Variants in ACTL6B observed in about 807,000 individuals in gnomAD.
ACTL6B encodes the protein actin-like protein 6B.
Under a neutral mutation model 63.3 loss-of-function variants are expected in ACTL6B, and 48 were observed. That is an observed-to-expected ratio of 0.76 (90% CI 0.60 to 0.96). The LOEUF (loss-of-function observed/expected upper bound fraction) is 0.96. Among genes scored for constraint, ACTL6B ranks in the 50% least tolerant of loss-of-function variants. ACTL6B has a pLI of 0.00. For missense variants in ACTL6B, 350 were observed against 572.2 expected, an observed-to-expected ratio of 0.61 and a Z score of 3.96; for synonymous variants, 230 against 223.8, an observed-to-expected ratio of 1.03 and a Z score of -0.25.
rs747984948 is a variant in ACTL6B at position 100,646,216 on chromosome 7, A to C, written c.1200+33T>G. On this transcript the variant is annotated intron_variant, in intron 13 of 13. Coordinates refer to ENST00000160382, the MANE Select transcript of ACTL6B (RefSeq NM_016188.5). The surrounding 1 kb of genome is among the most constrained non-coding windows in gnomAD (Gnocchi z 6.1). ...TGTCTGGGTCTCCCCTCTCCCCCAC[A>C]GTCAGTGCTAGGCCAGGTCCCTTTC... The C allele has an allele frequency of 1.3e-6, 2 of 1,590,626 alleles. No homozygotes were observed. The highest frequency in any genetic ancestry group is 2.2e-5 in the South Asian group (2 of 89,026).
At position 100,647,010 on chromosome 7, in the gene ACTL6B, G is replaced by T; in HGVS notation, c.897C>A (p.Leu299=). 6.2e-7 allele frequency: 1 copy of T among 1,614,128 alleles called. No homozygotes were observed. The highest frequency in any genetic ancestry group is 8.5e-7 in the Non-Finnish European group (1 of 1,180,030). Residue 299 remains leucine, a synonymous_variant, in exon 10 of 14, where the codon CTC becomes CTA. Transcript: ENST00000160382. This position sits in a 1 kb window ranked among gnomAD's most constrained non-coding sequence, Gnocchi z 4.4. ...GATCAAACAGGCCCTCAGGGATGCG[G>T]AGTCGCTCGGCGCCGTAGTCTGTAT... is the stretch of plus-strand genomic sequence containing the variant. ...GYNTDYGAER[L]RIPEGLFDPS... is the part of the protein sequence containing the mutation.
chr7:100,645,386 C>T (rs1803802011), intron 13 of ACTL6B, among the ~76,000 whole-genome samples: 1 of 152,138 alleles, frequency 6.6e-6, no homozygotes, highest in South Asian at 2.1e-4. Flanking sequence ...GCTGTCCACC[C>T]CATCCCCACT....
At chr7:100,645,256 G>A (rs1011136440) in intron 13 of ACTL6B, among the ~76,000 whole-genome samples, 3 of 151,886 alleles carry the variant, frequency 2.0e-5, no homozygotes, top group African/African-American at 4.8e-5. Context: ...CTCCAGATGC[G>A]GGTTGCAACT....
At position 100,648,754 on chromosome 7, in the gene ACTL6B, T is replaced by C; in HGVS notation, c.537A>G (p.Val179=). ...CTTGCTGCAGAACGTAGCCGTCATG[T>C]ACTGGAATGGCCGTGGTGTGGGTGG... ...SGATHTTAIP[V]HDGYVLQQGI... is the part of the protein sequence containing the mutation. Residue 179 remains valine, a synonymous_variant, in exon 6 of 14, where the codon GTA becomes GTG. Coordinates refer to ENST00000160382, the MANE Select transcript of ACTL6B (RefSeq NM_016188.5). This position sits in a 1 kb window ranked among gnomAD's most constrained non-coding sequence, Gnocchi z 4.4. The C allele has an allele frequency of 1.9e-6, 3 of 1,614,134 alleles. No homozygotes were observed. The highest frequency in any genetic ancestry group is 2.5e-6 in the Non-Finnish European group (3 of 1,180,008).
chr7:100,650,230 C>T lies in ACTL6B; in HGVS notation c.370-95G>A, dbSNP rs899926159. ...ACCCACTCACTCACACATACACTCA[C>T]GGTCACACACACACATCCAAACACT... On this transcript the variant is annotated intron_variant, in intron 4 of 13. Transcript: ENST00000160382. 8.3e-6 allele frequency: 8 copies of T among 962,144 alleles called. No homozygotes were observed. The African/African-American group carries it at 9.7e-5, about 12-fold the overall frequency. 59.6% of individuals were successfully genotyped at this position (962,144 alleles called of 1,614,324 possible).
Position 100,655,685 on chromosome 7 carries a change from A to T in ACTL6B, c.103-99T>A, listed in dbSNP as rs1804026530. 2 of 1,509,738 alleles carry T rather than the reference A, an allele frequency of 1.3e-6. No individual in the cohort carries two copies. The highest frequency in any genetic ancestry group is 4.8e-5 in the East Asian group (2 of 41,408). The allele number at this position is 1,509,738 out of a possible 1,614,324, so 93.5% of individuals were successfully genotyped here. ...GGGTCCTCAGACCGCCCCTGGGTTTATTCCCATATTCCCGCTCAGCAGAGC... is the reference window on the plus strand; with the variant it reads ...GGGTCCTCAGACCGCCCCTGGGTTTTTTCCCATATTCCCGCTCAGCAGAGC... On this transcript the variant is annotated intron_variant, in intron 2 of 13. Coordinates refer to ENST00000160382, the MANE Select transcript of ACTL6B (RefSeq NM_016188.5). The surrounding 1 kb of genome is among the most constrained non-coding windows in gnomAD (Gnocchi z 4.4).
chr7:100,651,506 C>T (rs1368434300), intron 4 of ACTL6B, among the ~76,000 whole-genome samples: 6 of 151,118 alleles, frequency 4.0e-5, no homozygotes, highest in Admixed American at 1.3e-4. Context: ...GCCAAGATCA[C>T]GCCATTGCAC....
intron 4 of ACTL6B, among the ~76,000 whole-genome samples, chr7:100,653,319 G>T (rs1327418127): frequency 1.3e-5 from 2 of 152,074 alleles, no homozygotes; most frequent in African/African-American, 2.4e-5. Context: ...AATTTAAAAA[G>T]AATGTAAATA....
chr7:100,652,178 C>A (rs551941454), intron 4 of ACTL6B, among the ~76,000 whole-genome samples: 1 of 151,662 alleles, frequency 6.6e-6, no homozygotes, highest in Non-Finnish European at 1.5e-5. Flanking sequence ...GCCGGCGGAT[C>A]GCGAGGTCAG....
chr7:100,647,362 C>A lies in ACTL6B; in HGVS notation c.760-78G>T. 1 of 1,599,816 alleles carries A rather than the reference C, an allele frequency of 6.3e-7. No homozygotes were observed. Among genetic ancestry groups the A allele is most frequent in the Non-Finnish European group, 8.6e-7 (1 of 1,168,564 alleles). On this transcript the variant is annotated intron_variant, in intron 8 of 13. Coordinates refer to ENST00000160382, the MANE Select transcript of ACTL6B (RefSeq NM_016188.5). This position sits in a 1 kb window ranked among gnomAD's most constrained non-coding sequence, Gnocchi z 4.4. ...CCTGCCCCGCTCCCCCTCCCTGCTCCCCCTCCCATGCGGGGCCTCTGTCCC... is the reference window on the plus strand; with the variant it reads ...CCTGCCCCGCTCCCCCTCCCTGCTCACCCTCCCATGCGGGGCCTCTGTCCC...
At chr7:100,651,542 C>T (rs980175999) in intron 4 of ACTL6B, among the ~76,000 whole-genome samples, 7 of 148,042 alleles carry the variant, frequency 4.7e-5, no homozygotes, top group Non-Finnish European at 8.9e-5. Context: ...AAGAGTGACA[C>T]TTCATCTCAA....
chr7:100,650,058 G>A lies in ACTL6B; in HGVS notation c.447C>T (p.Cys149=). 6.2e-7 allele frequency: 1 copy of A among 1,613,874 alleles called. No homozygotes were observed. Among genetic ancestry groups the A allele is most frequent in the African/African-American group, 1.3e-5 (1 of 75,028 alleles). ...GATACGCGGTGAGCACAGCCGTCTT[G>A]CATAAGAAGAAGGCAGGAATGTTGT... ...EQYNIPAFFL[C]KTAVLTAFAN... is the part of the protein sequence containing the mutation. The change falls in exon 5 of 14, where the codon TGC becomes TGT. Residue 149 remains cysteine (C), a synonymous_variant. Transcript: ENST00000160382.
rs1804017136 is a variant in ACTL6B at position 100,655,317 on chromosome 7, T to C, written c.268+104A>G. ...AGAACCCTGGCAGCCAGAAGAACCC[T>C]GGGGCTGCAAGGAAGACTCCGCGGG... On this transcript the variant is annotated intron_variant, in intron 3 of 13. Transcript: ENST00000160382. This position sits in a 1 kb window ranked among gnomAD's most constrained non-coding sequence, Gnocchi z 4.4. 1.2e-5 allele frequency: 17 copies of C among 1,396,846 alleles called. No individual in the cohort carries two copies. In the Admixed American group the frequency reaches 3.0e-4, roughly 25 times the overall value. 86.5% of individuals were successfully genotyped at this position (1,396,846 alleles called of 1,614,324 possible).
chr7:100,647,324 G>T lies in ACTL6B; in HGVS notation c.760-40C>A. The stretch of plus-strand genomic sequence containing the variant: ...GAGGTGGTGAGGGCCTGCCTTCCCC[G>T]TGAGCAGCACCCCCTGCCCCGCTCC... On this transcript the variant is annotated intron_variant, in intron 8 of 13. Coordinates refer to ENST00000160382, the MANE Select transcript of ACTL6B (RefSeq NM_016188.5). This position sits in a 1 kb window ranked among gnomAD's most constrained non-coding sequence, Gnocchi z 4.4. 6.2e-7 allele frequency: 1 copy of T among 1,609,942 alleles called. No individual in the cohort carries two copies. The highest frequency in any genetic ancestry group is 8.5e-7 in the Non-Finnish European group (1 of 1,177,572).
chr7:100,647,419 C>G lies in ACTL6B; in HGVS notation c.759+25G>C, dbSNP rs1206754349. 1.2e-6 allele frequency: 2 copies of G among 1,607,550 alleles called. No homozygotes were observed. The highest frequency in any genetic ancestry group is 2.7e-5 in the African/African-American group (2 of 74,824). On this transcript the variant is annotated intron_variant, in intron 8 of 13. Coordinates refer to ENST00000160382, the MANE Select transcript of ACTL6B (RefSeq NM_016188.5). The surrounding 1 kb of genome is among the most constrained non-coding windows in gnomAD (Gnocchi z 4.4). ...GATTCATGGCAGGGGAGGGGGGTTTCAGGTGGCCCTCTCCAGAGGCTCACA... is the reference window on the plus strand; with the variant it reads ...GATTCATGGCAGGGGAGGGGGGTTTGAGGTGGCCCTCTCCAGAGGCTCACA...
chr7:100,655,551 C>T lies in ACTL6B; in HGVS notation c.138G>A (p.Ala46=), dbSNP rs771723440. 2.5e-6 allele frequency: 4 copies of T among 1,613,774 alleles called. No individual in the cohort carries two copies. Among genetic ancestry groups the T allele is most frequent in the Middle Eastern group, 1.7e-4 (1 of 6,060 alleles). The change falls in exon 3 of 14, where the codon GCG becomes GCA. Residue 46 remains alanine, a synonymous_variant. Coordinates refer to ENST00000160382, the MANE Select transcript of ACTL6B (RefSeq NM_016188.5). This position sits in a 1 kb window ranked among gnomAD's most constrained non-coding sequence, Gnocchi z 4.4. ...DFPTTVGLLA[A]EEGGGLELEG... ...CCAGCTCCAGCCCGCCCCCCTCCTCCGCGGCCAGCAGCCCCACTGTGGTGG... is the reference window on the plus strand; with the variant it reads ...CCAGCTCCAGCCCGCCCCCCTCCTCTGCGGCCAGCAGCCCCACTGTGGTGG...
rs758019701 is a variant in ACTL6B, at chr7:100,646,199, T to A, written c.1200+50A>T. On this transcript the variant is annotated intron_variant, in intron 13 of 13. Transcript: ENST00000160382. The surrounding 1 kb of genome is among the most constrained non-coding windows in gnomAD (Gnocchi z 6.1). ...GTCAAAGTGGCGGGCACTGTCTGGG[T>A]CTCCCCTCTCCCCCACAGTCAGTGC... is the stretch of plus-strand genomic sequence containing the variant. The A allele has an allele frequency of 6.8e-7, 1 of 1,474,690 alleles. No homozygotes were observed. The highest frequency in any genetic ancestry group is 1.2e-5 in the South Asian group (1 of 81,260). 91.4% of individuals were successfully genotyped at this position (1,474,690 alleles called of 1,614,324 possible).
intron 5 of ACTL6B, among the ~76,000 whole-genome samples, chr7:100,649,214 G>A (rs1054327898): frequency 4.0e-5 from 6 of 151,216 alleles, no homozygotes; most frequent in South Asian, 2.1e-4. Context: ...GGATGGTCTC[G>A]ATCTCCTGAC....
Position 100,656,361 on chromosome 7 carries a change from C to T in ACTL6B, c.-7G>A, listed in dbSNP as rs1319376880. 8.2e-6 allele frequency: 11 copies of T among 1,346,674 alleles called. No individual in the cohort carries two copies. The highest frequency in any genetic ancestry group is 3.2e-5 in the Admixed American group (1 of 30,868). 83.4% of individuals were successfully genotyped at this position (1,346,674 alleles called of 1,614,324 possible). A position where few individuals can be genotyped will look rare whatever the true frequency, so the allele number is the denominator to read the frequency against. Reference sequence around the variant, plus strand: ...CGTAGACGCCCCCGCTCATAGTGCCCGCTGCGCTGCTAGCGGCCCGTGGGC... The same window carrying T: ...CGTAGACGCCCCCGCTCATAGTGCCTGCTGCGCTGCTAGCGGCCCGTGGGC... On this transcript the variant is annotated 5_prime_UTR_variant, in exon 1 of 14. Transcript: ENST00000160382.
Sources: gnomAD v4.1 joint callset for allele counts (sites outside exome capture counted in the v4.1 genomes callset) on GRCh38, gnomAD v4.1.1 for gene constraint, Gnocchi (gnomAD v3.1) non-coding constraint, MANE v1.5 for transcripts, NCBI Gene and HGNC (gene_info 2026-07-23, HGNC 2026-07-21) for gene names.